Variants in HMGA2 observed in about 807,000 individuals in gnomAD.
HMGA2 encodes high mobility group AT-hook 2.
A neutral mutation model predicts 19.1 loss-of-function variants in HMGA2; 8 were observed. The observed-to-expected ratio is 0.42, with a 90% CI of 0.25 to 0.76. HMGA2 has a LOEUF of 0.76. Ranked by LOEUF, HMGA2 falls within the 30% of genes least tolerant of loss-of-function variation. HMGA2 has a pLI of 0.28. For synonymous variants in HMGA2, 60 were observed against 48.8 expected, an observed-to-expected ratio of 1.23 and a Z score of -0.96; for missense variants, 109 against 136.3, an observed-to-expected ratio of 0.80 and a Z score of 1.00.
intron 3 of HMGA2, among the ~76,000 whole-genome samples, chr12:65,890,898 T>C (rs1873876131): frequency 6.6e-6 from 1 of 152,052 alleles, no homozygotes; most frequent in African/African-American, 2.4e-5. Context: ...TTTTTTTGCA[T>C]TTTTTGTAGA....
chr12:65,881,680 G>C, intron 3 of HMGA2: 1 of 697,200 alleles, frequency 1.4e-6, no homozygotes, highest in Non-Finnish European at 2.6e-6. Flanking sequence ...AGAAATATGA[G>C]AGGAGGAGAG....
chr12:65,864,825 T>G (rs1872304262), intron 3 of HMGA2, among the ~76,000 whole-genome samples: 1 of 152,208 alleles, frequency 6.6e-6, no homozygotes, highest in Non-Finnish European at 1.5e-5. Context: ...TTTGATCCAT[T>G]TTTTCACTTC....
At chr12:65,855,456 T>TCACACACACA (rs1377421146) in intron 3 of HMGA2, among the ~76,000 whole-genome samples, 14 of 52,902 alleles carry the variant, frequency 2.6e-4, no homozygotes, top group African/African-American at 3.8e-4. Flanking sequence ...TCTCTCTCTC[T>TCACACACACA]CTCACACACA....
rs201860923 is a variant in HMGA2 at position 65,963,277 on chromosome 12, T to G, written c.315T>G (p.Ser105=). The change falls in exon 5 of 5, where the codon TCT becomes TCG. Residue 105 remains serine (S), a synonymous_variant. Transcript: ENST00000403681. Reference sequence around the variant, plus strand: ...CTGAAGAGACATCCTCACAAGAGTCTGCCGAAGAGGACTAGGGGGCGCCAA... The same window carrying G: ...CTGAAGAGACATCCTCACAAGAGTCGGCCGAAGAGGACTAGGGGGCGCCAA... The part of the protein sequence containing the change: ...EETEETSSQE[S]AEED 1.9e-6 allele frequency: 3 copies of G among 1,613,758 alleles called. No individual in the cohort carries two copies. Among genetic ancestry groups the G allele is most frequent in the Non-Finnish European group, 2.5e-6 (3 of 1,179,832 alleles).
At chr12:65,827,014 A>G (rs1025014471) in intron 1 of HMGA2, 5 of 152,222 alleles carry the variant, frequency 3.3e-5, no homozygotes, top group African/African-American at 1.2e-4. Flanking sequence ...TAAGTTAATT[A>G]GTCTCACTTA....
At chr12:65,881,951 T>G (rs2121102379) in intron 3 of HMGA2, 1 of 699,828 alleles carries the variant, frequency 1.4e-6, no homozygotes, top group Admixed American at 2.0e-5. Flanking sequence ...ATTGCGGGGG[T>G]TCCTCCGTAG....
At chr12:65,889,922 ACT>A (rs1346468586) in intron 3 of HMGA2, among the ~76,000 whole-genome samples, 1 of 152,018 alleles carries the variant, frequency 6.6e-6, no homozygotes, top group Non-Finnish European at 1.5e-5. Flanking sequence ...CATGGAAATC[ACT>A]CTGAAAAATT....
At chr12:65,854,763 A>G (rs1199276517) in intron 3 of HMGA2, among the ~76,000 whole-genome samples, 1 of 152,182 alleles carries the variant, frequency 6.6e-6, no homozygotes, top group Admixed American at 6.5e-5. Context: ...TCAGTTGCTC[A>G]GGAGTTTGTG....
intron 4 of HMGA2, chr12:65,958,397 C>A (rs986827643): frequency 6.6e-6 from 1 of 152,116 alleles, no homozygotes. Flanking sequence ...TATATATGTT[C>A]CATTTAACAT....
chr12:65,964,306 G>GA lies in HMGA2; in HGVS notation c.*1014_*1015insA, dbSNP rs1297511254. ...TAAAAAGCAAAAAAAAAAAAGGGGG[G>GA]GGCAATCTCTCTCTGTGTCTTTCTC... On this transcript the variant is annotated 3_prime_UTR_variant, in exon 5 of 5. Coordinates refer to ENST00000403681, the MANE Select transcript of HMGA2 (RefSeq NM_003483.6). The GA allele has an allele frequency of 4.7e-6, 1 of 213,858 alleles. No individual in the cohort carries two copies. The highest frequency in any genetic ancestry group is 9.3e-6 in the Non-Finnish European group (1 of 107,348). The allele number at this position is 213,858 out of a possible 1,614,324, so 13.2% of individuals were successfully genotyped here. A position where few individuals can be genotyped will look rare whatever the true frequency, so the allele number is the denominator to read the frequency against.
intron 3 of HMGA2, among the ~76,000 whole-genome samples, chr12:65,923,366 T>C (rs890067795): frequency 5.9e-5 from 9 of 151,846 alleles, no homozygotes; most frequent in African/African-American, 1.9e-4. Flanking sequence ...AGACTGGGGG[T>C]TAGGGGAGAG....
Position 65,881,644 on chromosome 12 carries a change from G to A in HMGA2, c.249+43075G>A, listed in dbSNP as rs1450806165. ...GGAGCGAAGGAGGGAGGGAGGGAGG[G>A]AGGGAGAAAGAGAGAGAGAGAGGGG... On this transcript the variant is annotated intron_variant, in intron 3 of 4. Coordinates refer to ENST00000403681, the MANE Select transcript of HMGA2 (RefSeq NM_003483.6). 9.9e-6 allele frequency: 6 copies of A among 606,700 alleles called. No individual in the cohort carries two copies. The East Asian group carries it at 1.6e-4, about 16-fold the overall frequency. 37.6% of individuals were successfully genotyped at this position (606,700 alleles called of 1,614,324 possible).
chr12:65,931,527 C>T (rs992059702), intron 3 of HMGA2, among the ~76,000 whole-genome samples: 6 of 150,602 alleles, frequency 4.0e-5, no homozygotes, highest in Non-Finnish European at 7.4e-5. Flanking sequence ...AAGAATGGAA[C>T]CCAGGAGCTA....
intron 3 of HMGA2, among the ~76,000 whole-genome samples, chr12:65,934,337 G>A (rs1875819742): frequency 1.3e-5 from 2 of 152,138 alleles, no homozygotes; most frequent in African/African-American, 4.8e-5. Flanking sequence ...TTCCAGTTGT[G>A]TAGCAATGAC....
intron 3 of HMGA2, among the ~76,000 whole-genome samples, chr12:65,899,702 C>G (rs1191696383): frequency 1.3e-5 from 2 of 152,214 alleles, no homozygotes; most frequent in African/African-American, 4.8e-5. Flanking sequence ...ATCTTATATT[C>G]TGAGGAAGAA....
intron 3 of HMGA2, chr12:65,842,116 T>A (rs1395586783): frequency 7.8e-7 from 1 of 1,289,718 alleles, no homozygotes; most frequent in Non-Finnish European, 1.0e-6. Context: ...GGTCTCTTTT[T>A]TTCCTGGCTT....
chr12:65,947,314 TAGGTTGCCCAAGCTGGTCTCGAAC>T (rs1236972832), intron 3 of HMGA2, among the ~76,000 whole-genome samples: 1 of 152,116 alleles, frequency 6.6e-6, no homozygotes, highest in Admixed American at 6.5e-5. Context: ...GAAGTCTTGC[TAGGTTGCCCAAGCTGGTCTCGAAC>T]TCGTGAGCTC....
intron 2 of HMGA2, among the ~76,000 whole-genome samples, chr12:65,832,877 T>C (rs1341827185): frequency 3.3e-5 from 5 of 152,022 alleles, no homozygotes; most frequent in Admixed American, 2.6e-4. Flanking sequence ...TCTTGTATCA[T>C]TGCTATTGAT....
At chr12:65,871,663 C>T (rs1349699173) in intron 3 of HMGA2, among the ~76,000 whole-genome samples, 1 of 152,166 alleles carries the variant, frequency 6.6e-6, no homozygotes. Context: ...GCGGTTTTCC[C>T]TCTAGGTGAG....
Sources: allele counts gnomAD v4.1 joint callset (sites outside exome capture counted in the v4.1 genomes callset), GRCh38; gene constraint gnomAD v4.1.1; transcripts MANE v1.5; gene names NCBI Gene and HGNC (gene_info 2026-07-23, HGNC 2026-07-21).